CWC27: variants seen among roughly 807,000 people sequenced by gnomAD.
CWC27 encodes CWC27 spliceosome associated cyclophilin, also known as spliceosome-associated protein CWC27 homolog.
A neutral mutation model predicts 63.6 loss-of-function variants in CWC27; 47 were observed. The observed-to-expected ratio is 0.74, with a 90% confidence interval of 0.58 to 0.94. The LOEUF (loss-of-function observed/expected upper bound fraction) is 0.94. Among genes scored for constraint, CWC27 ranks in the 40% least tolerant of loss-of-function variants. The pLI is 0.00. For missense variants in CWC27, 495 were observed against 554.3 expected, an observed-to-expected ratio of 0.89 and a Z score of 1.07; for synonymous variants, 175 against 179.8, an observed-to-expected ratio of 0.97 and a Z score of 0.22.
intron 2 of CWC27, among the ~76,000 whole-genome samples, chr5:64,779,158 C>A (rs147501336): frequency 1.1e-4 from 17 of 152,024 alleles, no homozygotes; most frequent in African/African-American, 4.1e-4. Flanking sequence ...AATAGAAGAC[C>A]CAACTCAAAA....
chr5:64,843,972 G>C (rs1745910916), intron 10 of CWC27, among the ~76,000 whole-genome samples: 1 of 151,944 alleles, frequency 6.6e-6, no homozygotes, highest in Non-Finnish European at 1.5e-5. Context: ...GACTAGACTA[G>C]AGCATCCTTT....
intron 10 of CWC27, among the ~76,000 whole-genome samples, chr5:64,819,409 C>A (rs1745134467): frequency 6.6e-6 from 1 of 152,062 alleles, no homozygotes; most frequent in Non-Finnish European, 1.5e-5. Context: ...GCTATGTCCC[C>A]ACCCAAATCT....
intron 10 of CWC27, among the ~76,000 whole-genome samples, chr5:64,819,555 A>G (rs143916956): frequency 7.9e-5 from 12 of 152,040 alleles, no homozygotes; most frequent in African/African-American, 2.9e-4. Flanking sequence ...TGATGGTTTT[A>G]TAAAGGGGAG....
At chr5:64,979,787 G>A (rs1168864127) in intron 13 of CWC27, among the ~76,000 whole-genome samples, 1 of 152,118 alleles carries the variant, frequency 6.6e-6, no homozygotes, top group Non-Finnish European at 1.5e-5. Context: ...GTGTCCACAT[G>A]AGTGGCCACA....
At chr5:64,911,831 T>C (rs111852072) in intron 11 of CWC27, among the ~76,000 whole-genome samples, 1,646 of 152,132 alleles carry the variant, frequency 0.011, 25 homozygotes, top group African/African-American at 0.038. Context: ...TCCCAGCACT[T>C]TGGGAGGCCG....
At chr5:64,995,294 T>A (rs1244758092) in intron 13 of CWC27, among the ~76,000 whole-genome samples, 1 of 152,122 alleles carries the variant, frequency 6.6e-6, no homozygotes, top group Non-Finnish European at 1.5e-5. Flanking sequence ...TATTTTTTGT[T>A]TAAAATATTT....
intron 10 of CWC27, among the ~76,000 whole-genome samples, chr5:64,873,817 T>C (rs1338001185): frequency 6.6e-6 from 1 of 152,160 alleles, no homozygotes; most frequent in Non-Finnish European, 1.5e-5. Flanking sequence ...GTTTTAGGTC[T>C]TATGTTTAAG....
chr5:64,774,668 A>G, intron 1 of CWC27, 23 bp from the exon 2 acceptor site: 2 of 1,371,536 alleles, frequency 1.5e-6, no homozygotes, highest in South Asian at 2.8e-5. Flanking sequence ...ATAATTTAAT[A>G]AAATGTAATA....
intron 10 of CWC27, among the ~76,000 whole-genome samples, chr5:64,870,581 T>C (rs1186937992): frequency 2.0e-5 from 3 of 152,058 alleles, no homozygotes; most frequent in Non-Finnish European, 4.4e-5. Flanking sequence ...TTCTTTTAAT[T>C]TTAGAAATGA....
chr5:64,960,922 GT>G (rs5868394), intron 11 of CWC27, among the ~76,000 whole-genome samples: 71 of 147,426 alleles, frequency 4.8e-4, no homozygotes, highest in South Asian at 4.3e-4. Flanking sequence ...TCAATACACT[GT>G]TTTTTTTTTT....
intron 10 of CWC27, among the ~76,000 whole-genome samples, chr5:64,868,937 C>T (rs1746600064): frequency 2.6e-5 from 4 of 151,938 alleles, no homozygotes; most frequent in Admixed American, 2.6e-4. Flanking sequence ...CTTCAATTTC[C>T]CACTTGTAAA....
At chr5:64,779,376 TACA>T (rs1433786887) in intron 2 of CWC27, among the ~76,000 whole-genome samples, 1 of 152,240 alleles carries the variant, frequency 6.6e-6, no homozygotes, top group Non-Finnish European at 1.5e-5. Flanking sequence ...TGTTTGTTTT[TACA>T]ACAACAAAAA....
chr5:65,005,717 A>G (rs1003425324), intron 13 of CWC27, among the ~76,000 whole-genome samples: 2 of 152,222 alleles, frequency 1.3e-5, no homozygotes, highest in African/African-American at 4.8e-5. Flanking sequence ...CTTAATTCCT[A>G]AAGAATCTGT....
At chr5:64,842,327 A>T (rs1745866347) in intron 10 of CWC27, among the ~76,000 whole-genome samples, 1 of 152,074 alleles carries the variant, frequency 6.6e-6, no homozygotes, top group Non-Finnish European at 1.5e-5. Flanking sequence ...TTTATGAGAC[A>T]GAGTCTCACT....
At chr5:64,967,679 G>A (rs1357108041) in intron 11 of CWC27, among the ~76,000 whole-genome samples, 1 of 151,818 alleles carries the variant, frequency 6.6e-6, no homozygotes, top group Non-Finnish European at 1.5e-5. Flanking sequence ...AGGTAAGAAA[G>A]CCTTTTTAAC....
At chr5:64,975,732 A>G (rs1476935955) in intron 12 of CWC27, among the ~76,000 whole-genome samples, 1 of 152,152 alleles carries the variant, frequency 6.6e-6, no homozygotes, top group Non-Finnish European at 1.5e-5. Flanking sequence ...TCACTTAACA[A>G]TAGAATGCAA....
chr5:64,909,515 T>C (rs1747739779), intron 11 of CWC27, among the ~76,000 whole-genome samples: 1 of 152,224 alleles, frequency 6.6e-6, no homozygotes, highest in South Asian at 2.1e-4. Flanking sequence ...TCCTGAATAA[T>C]ATGCTGAAGA....
intron 11 of CWC27, among the ~76,000 whole-genome samples, chr5:64,922,524 T>C (rs542735968): frequency 6.6e-6 from 1 of 152,344 alleles, no homozygotes; most frequent in Non-Finnish European, 1.5e-5. Flanking sequence ...CTTTCAACTC[T>C]CGTATCAGTT....
Position 64,985,341 on chromosome 5 carries a change from C to T in CWC27, c.1256+8103C>T, listed in dbSNP as rs1389498280. On this transcript the variant is annotated intron_variant, in intron 13 of 13. Transcript: ENST00000381070. ...TGAGATTTTTATTTGAATTTCATTA[C>T]GTTTATTGATCAGTCTGAGGAGAAT... Among the ~76,000 whole-genome samples, 5 of 152,028 alleles carry T rather than the reference C, an allele frequency of 3.3e-5. No homozygotes were observed. In the East Asian group the frequency reaches 5.8e-4, roughly 18 times the overall value.
Sources: allele counts gnomAD v4.1 joint callset (sites outside exome capture counted in the v4.1 genomes callset), GRCh38; gene constraint gnomAD v4.1.1; transcripts MANE v1.5; gene names NCBI Gene and HGNC (gene_info 2026-07-23, HGNC 2026-07-21).